PCDHA1: variants seen among roughly 807,000 people sequenced by gnomAD.
PCDHA1 encodes the protein protocadherin alpha-1.
Under a neutral mutation model 61.3 loss-of-function variants are expected in PCDHA1, and 42 were observed. That is an observed-to-expected ratio of 0.69 (90% confidence interval 0.54 to 0.89). The LOEUF is 0.89. Ranked by LOEUF, PCDHA1 falls within the 40% of genes least tolerant of loss-of-function variation. The probability of loss-of-function intolerance (pLI) is 0.00; values close to 1 mark genes in which losing one functional copy is unlikely to be tolerated. For missense variants in PCDHA1, 1,256 were observed against 1,235.3 expected (o/e 1.02, Z -0.25); for synonymous variants, 610 against 553.8 (o/e 1.10, Z -1.43).
At chr5:140,984,031 CAT>C (rs2153832931) in intron 3 of PCDHA1, among the ~76,000 whole-genome samples, 1 of 152,260 alleles carries the variant, frequency 6.6e-6, no homozygotes, top group South Asian at 2.1e-4. Context: ...AGGGGAAAAA[CAT>C]AAAATAGTTC....
At chr5:140,808,156 T>C in intron 1 of PCDHA1, 1 of 1,614,210 alleles carries the variant, frequency 6.2e-7, no homozygotes, top group South Asian at 1.1e-5. Flanking sequence ...TAGAGGGCAT[T>C]GATAAGGGAC....
rs185756096 is a variant in PCDHA1, at chr5:140,914,471, T to C, written c.2395-64478T>C. On this transcript the variant is annotated intron_variant, in intron 1 of 3. Coordinates refer to ENST00000504120, the MANE Select transcript of PCDHA1 (RefSeq NM_018900.4). The stretch of plus-strand genomic sequence containing the variant: ...ATTTTCCAGTCTATGTGTATCTTCA[T>C]AGGTGAAGTGTTTCTTGTGGGCAAC... Among the ~76,000 whole-genome samples the C allele has an allele frequency of 2.9e-3, 442 of 152,310 alleles. 1 individual carries two copies. Among genetic ancestry groups the C allele is most frequent in the African/African-American group, 0.01 (423 of 41,574 alleles).
intron 1 of PCDHA1, among the ~76,000 whole-genome samples, chr5:140,935,702 T>C (rs975188692): frequency 1.3e-5 from 2 of 152,152 alleles, no homozygotes; most frequent in Admixed American, 1.3e-4. Context: ...AATAAACTTA[T>C]AAAACAAAAT....
At chr5:140,795,913 G>T (rs17844246) in intron 1 of PCDHA1, 1 of 1,613,864 alleles carries the variant, frequency 6.2e-7, no homozygotes, top group East Asian at 2.2e-5. Flanking sequence ...AAAGTCCTAC[G>T]AGATTCAGGT....
rs782136453 is a variant in PCDHA1, at chr5:140,788,508, G to A, written c.2218G>A (p.Val740Met). ...GTATGTGCCGGGCAAGCCCACTCTG[G>A]TGTGCTCCAGCGCGTTGGGGAGCTG... is the stretch of plus-strand genomic sequence containing the variant. The part of the protein sequence containing the change: ...GAYVPGKPTL[V>M]CSSALGSWSN... The change falls in exon 1 of 4, where the codon GTG becomes ATG. Residue 740 changes from valine to methionine, a missense_variant. Transcript: ENST00000504120. 9.3e-6 allele frequency: 15 copies of A among 1,614,102 alleles called. No homozygotes were observed. Among genetic ancestry groups the A allele is most frequent in the Non-Finnish European group, 1.2e-5 (14 of 1,179,956 alleles).
At position 140,808,984 on chromosome 5, in the gene PCDHA1, T is replaced by C. The variant is rs17844281; in HGVS notation, c.2394+20300T>C. 2.5e-4 allele frequency: 399 copies of C among 1,613,658 alleles called. No individual in the cohort carries two copies. In the East Asian group the frequency reaches 8.1e-3, roughly 33 times the overall value. On this transcript the variant is annotated intron_variant, in intron 1 of 3. Transcript: ENST00000504120. ...TGGCAAAGGTGCGCGCGGTGGATGC[T>C]GACTCGGGCTACAACGCGTGGCTTT...
rs782486996 is a variant in PCDHA1, at chr5:140,797,167, G to A, written c.2394+8483G>A. The A allele has an allele frequency of 3.1e-6, 5 of 1,614,080 alleles. No individual in the cohort carries two copies. The South Asian group carries it at 3.3e-5, about 11-fold the overall frequency. On this transcript the variant is annotated intron_variant, in intron 1 of 3. Transcript: ENST00000504120. ...ACCCACCGAGGGTGCGCGCGCGCCAGGAAAGCCCACGCTGGTGTGCTCCAG... is the reference window on the plus strand; with the variant it reads ...ACCCACCGAGGGTGCGCGCGCGCCAAGAAAGCCCACGCTGGTGTGCTCCAG...
At chr5:140,896,710 T>C (rs1231459059) in intron 1 of PCDHA1, among the ~76,000 whole-genome samples, 2 of 152,160 alleles carry the variant, frequency 1.3e-5, no homozygotes, top group Non-Finnish European at 2.9e-5. Flanking sequence ...TGTTTGTTTT[T>C]TGCTTGTTAA....
At chr5:140,832,953 T>C (rs2150205519) in intron 1 of PCDHA1, among the ~76,000 whole-genome samples, 88,791 of 151,994 alleles carry the variant, frequency 0.58, 26,721 homozygotes, top group African/African-American at 0.73. Context: ...TAAGTGAGTA[T>C]ACAGAAAATT....
At chr5:140,796,644 C>A in intron 1 of PCDHA1, 1 of 1,613,836 alleles carries the variant, frequency 6.2e-7, no homozygotes, top group Non-Finnish European at 8.5e-7. Context: ...ACGAGAACGA[C>A]AACGCGCCGG....
chr5:140,788,906 A>G, intron 1 of PCDHA1: 1 of 1,118,926 alleles, frequency 8.9e-7, no homozygotes, highest in South Asian at 2.5e-5. Context: ...CTTGATTTAA[A>G]TGGCAGGTTA....
intron 1 of PCDHA1, chr5:140,823,577 G>A (rs1389760827): frequency 6.2e-7 from 1 of 1,613,854 alleles, no homozygotes; most frequent in Non-Finnish European, 8.5e-7. Context: ...CCTGATTCGG[G>A]CTACAACGCT....
intron 1 of PCDHA1, among the ~76,000 whole-genome samples, chr5:140,839,342 G>T (rs1463316254): frequency 6.6e-6 from 1 of 150,532 alleles, no homozygotes; most frequent in East Asian, 2.0e-4. Context: ...GTTGATAGGG[G>T]ATCCTCCTTA....
At chr5:140,819,752 C>T (rs1766615779) in intron 1 of PCDHA1, among the ~76,000 whole-genome samples, 1 of 151,974 alleles carries the variant, frequency 6.6e-6, no homozygotes, top group Admixed American at 6.5e-5. Context: ...AGTCAAGAGT[C>T]TTGTTTCCTC....
chr5:140,858,249 A>G lies in PCDHA1; in HGVS notation c.2394+69565A>G, dbSNP rs782165070. Reference sequence around the variant, plus strand: ...ACCGAGGGCGCATGTGGGCCGGTGAAGCCCACGCTGGTGTGCTCTAGCGCG... The same window carrying G: ...ACCGAGGGCGCATGTGGGCCGGTGAGGCCCACGCTGGTGTGCTCTAGCGCG... On this transcript the variant is annotated intron_variant, in intron 1 of 3. Coordinates refer to ENST00000504120, the MANE Select transcript of PCDHA1 (RefSeq NM_018900.4). 53 of 1,596,100 alleles carry G rather than the reference A, an allele frequency of 3.3e-5. 6 individuals are homozygous for G. The highest frequency in any genetic ancestry group is 4.5e-5 in the Non-Finnish European group (52 of 1,166,170).
intron 1 of PCDHA1, chr5:140,850,245 T>C (rs2150475422): frequency 5.6e-6 from 9 of 1,593,300 alleles, no homozygotes; most frequent in Non-Finnish European, 6.9e-6. Context: ...GGTGCTGCGG[T>C]CGGTGGGCGC....
chr5:140,788,333 G>A lies in PCDHA1; in HGVS notation c.2043G>A (p.Arg681=). The A allele has an allele frequency of 6.2e-7, 1 of 1,613,946 alleles. No homozygotes were observed. Among genetic ancestry groups the A allele is most frequent in the South Asian group, 1.1e-5 (1 of 91,078 alleles). The part of the protein sequence containing the change: ...ESGQAPKASS[R]ASVGVAGPEA... ...GCCAGGCGCCAAAGGCGTCTTCGCGGGCGTCGGTGGGTGTCGCGGGCCCAG... is the reference window on the plus strand; with the variant it reads ...GCCAGGCGCCAAAGGCGTCTTCGCGAGCGTCGGTGGGTGTCGCGGGCCCAG... The change falls in exon 1 of 4, where the codon CGG becomes CGA. Residue 681 remains arginine (R), a synonymous_variant. Transcript: ENST00000504120.
rs2150201069 is a variant in PCDHA1, at chr5:140,832,336, T to C, written c.2394+43652T>C. ...GCTTAAGGGCCATTAGAGGACTGAG[T>C]TGTGGTTTGTGTTTCCTAATGTGAG... On this transcript the variant is annotated intron_variant, in intron 1 of 3. Coordinates refer to ENST00000504120, the MANE Select transcript of PCDHA1 (RefSeq NM_018900.4). Among the ~76,000 whole-genome samples, 820 of 152,216 alleles carry C rather than the reference T, an allele frequency of 5.4e-3. 7 individuals carry two copies. Among genetic ancestry groups the C allele is most frequent in the African/African-American group, 0.018 (760 of 41,540 alleles).
chr5:140,842,608 C>T lies in PCDHA1; in HGVS notation c.2394+53924C>T, dbSNP rs1251086188. On this transcript the variant is annotated intron_variant, in intron 1 of 3. Coordinates refer to ENST00000504120, the MANE Select transcript of PCDHA1 (RefSeq NM_018900.4). ...ATGAGTTGGTGGTAACCGCGCGGGA[C>T]GGGGGCTCGCCTTCGCTGTGGGCCA... The T allele has an allele frequency of 3.9e-6, 6 of 1,557,100 alleles. No homozygotes were observed. The African/African-American group carries it at 4.3e-5, about 11-fold the overall frequency.
Sources: gnomAD v4.1 joint callset for allele counts (sites outside exome capture counted in the v4.1 genomes callset) on GRCh38, gnomAD v4.1.1 for gene constraint, MANE v1.5 for transcripts, NCBI Gene and HGNC (gene_info 2026-07-23, HGNC 2026-07-21) for gene names.